Variants in RASAL2 observed in about 807,000 individuals in gnomAD.
The protein encoded by RASAL2 is RAS protein activator like 2.
Under a neutral mutation model 128.9 loss-of-function variants are expected in RASAL2, and 58 were observed. The ratio of observed to expected loss-of-function variants is 0.45; its 90% CI spans 0.36 to 0.56. RASAL2 has a LOEUF of 0.56. Among genes scored for constraint, RASAL2 ranks in the 20% least tolerant of loss-of-function variants. RASAL2 has a pLI of 0.00. For synonymous variants in RASAL2, 561 were observed against 580.8 expected, an observed-to-expected ratio of 0.97 and a Z score of 0.49; for missense variants, 1,360 against 1,601.6, an observed-to-expected ratio of 0.85 and a Z score of 2.57.
intron 1 of RASAL2, among the ~76,000 whole-genome samples, chr1:178,137,996 T>C (rs1254529680): frequency 6.6e-6 from 1 of 152,246 alleles, no homozygotes; most frequent in Non-Finnish European, 1.5e-5. Flanking sequence ...AAAGGCATTG[T>C]GGAAACAGAG....
chr1:178,296,558 A>G (rs1667516029), intron 2 of RASAL2, among the ~76,000 whole-genome samples: 1 of 149,638 alleles, frequency 6.7e-6, no homozygotes, highest in South Asian at 2.1e-4. Flanking sequence ...AAGATGGGGG[A>G]TCTCACGTTG....
intron 1 of RASAL2, among the ~76,000 whole-genome samples, chr1:178,138,772 A>G (rs1660425323): frequency 6.6e-6 from 1 of 152,140 alleles, no homozygotes; most frequent in African/African-American, 2.4e-5. Flanking sequence ...GATCATCCGA[A>G]TGGAGTTGAT....
intron 14 of RASAL2, among the ~76,000 whole-genome samples, chr1:178,460,988 A>AT (rs1678157750): frequency 6.6e-6 from 1 of 151,722 alleles, no homozygotes; most frequent in East Asian, 1.9e-4. Context: ...TAATTTTTGT[A>AT]TTTTTAGTAG....
intron 5 of RASAL2, among the ~76,000 whole-genome samples, chr1:178,438,171 A>G (rs1036940992): frequency 6.6e-6 from 1 of 151,064 alleles, no homozygotes; most frequent in Non-Finnish European, 1.5e-5. Context: ...AAATCCTTAT[A>G]AGCTTAAGAT....
intron 1 of RASAL2, among the ~76,000 whole-genome samples, chr1:178,271,741 T>C: frequency 6.6e-6 from 1 of 152,226 alleles, no homozygotes; most frequent in East Asian, 1.9e-4. Context: ...TTTAAAATTC[T>C]TCAGATGCTT....
chr1:178,157,426 C>T (rs1166564512), intron 1 of RASAL2, among the ~76,000 whole-genome samples: 2 of 152,220 alleles, frequency 1.3e-5, no homozygotes, highest in African/African-American at 2.4e-5. Flanking sequence ...TGTCACACCT[C>T]TGCCATTTTA....
At chr1:178,170,718 C>G (rs1453592601) in intron 1 of RASAL2, among the ~76,000 whole-genome samples, 1 of 151,470 alleles carries the variant, frequency 6.6e-6, no homozygotes, top group Non-Finnish European at 1.5e-5. Flanking sequence ...TCTTATCTAT[C>G]TATAACTCTT....
intron 1 of RASAL2, among the ~76,000 whole-genome samples, chr1:178,113,206 C>T (rs1018990248): frequency 2.0e-5 from 3 of 151,452 alleles, no homozygotes; most frequent in Non-Finnish European, 4.4e-5. Context: ...GGTCTGTTGT[C>T]TATCTTGATT....
intron 1 of RASAL2, among the ~76,000 whole-genome samples, chr1:178,120,284 T>C (rs140469449): frequency 6.6e-6 from 1 of 150,986 alleles, no homozygotes; most frequent in East Asian, 2.0e-4. Context: ...TGTAGATTTC[T>C]TTTTGTTGGC....
intron 1 of RASAL2, among the ~76,000 whole-genome samples, chr1:178,180,054 T>A (rs933380757): frequency 1.3e-5 from 2 of 152,204 alleles, no homozygotes; most frequent in Non-Finnish European, 2.9e-5. Flanking sequence ...AGTTTGATTA[T>A]GAAATACTTA....
chr1:178,365,938 C>T (rs987768801), intron 3 of RASAL2, among the ~76,000 whole-genome samples: 9 of 152,158 alleles, frequency 5.9e-5, no homozygotes, highest in African/African-American at 2.2e-4. Flanking sequence ...CATGATTTCT[C>T]AGTCACCATT....
At chr1:178,166,893 G>A (rs1661534846) in intron 1 of RASAL2, among the ~76,000 whole-genome samples, 1 of 151,964 alleles carries the variant, frequency 6.6e-6, no homozygotes, top group Admixed American at 6.6e-5. Flanking sequence ...CTGTTGTTAT[G>A]CTTATTCAAA....
intron 1 of RASAL2, among the ~76,000 whole-genome samples, chr1:178,114,688 A>AT (rs1659461487): frequency 6.6e-6 from 1 of 151,778 alleles, no homozygotes; most frequent in Non-Finnish European, 1.5e-5. Context: ...CGCCCGGCTA[A>AT]TTTTTTCTAT....
At chr1:178,114,697 A>G (rs1359290196) in intron 1 of RASAL2, among the ~76,000 whole-genome samples, 2 of 151,712 alleles carry the variant, frequency 1.3e-5, no homozygotes, top group East Asian at 1.9e-4. Flanking sequence ...AATTTTTTCT[A>G]TCTTTTAGTA....
intron 1 of RASAL2, among the ~76,000 whole-genome samples, chr1:178,265,556 A>G (rs1665909021): frequency 6.6e-6 from 1 of 152,228 alleles, no homozygotes; most frequent in Admixed American, 6.5e-5. Context: ...TATAGTCCCT[A>G]TTCATAGATG....
chr1:178,245,512 G>A (rs552421598), intron 1 of RASAL2, among the ~76,000 whole-genome samples: 5 of 152,084 alleles, frequency 3.3e-5, no homozygotes, highest in East Asian at 1.9e-4. Context: ...ATTTTCTCCC[G>A]TTCTGTAGGT....
rs369538157 is a variant in RASAL2 at position 178,333,272 on chromosome 1, CCG to C, written c.457+33155_457+33156del. On this transcript the variant is annotated intron_variant, in intron 3 of 17. Transcript: ENST00000367649. Reference sequence around the variant, plus strand: ...TCGATCTCCTGACCTTGTGACCCGCCCGTCTCGGCCTCCCAAAGTGCTGGGAT... The same window carrying C: ...TCGATCTCCTGACCTTGTGACCCGCCTCTCGGCCTCCCAAAGTGCTGGGAT... Among the ~76,000 whole-genome samples, 700 of 152,216 alleles carry C rather than the reference CCG, an allele frequency of 4.6e-3. 7 individuals carry two copies. The highest frequency in any genetic ancestry group is 0.016 in the African/African-American group (669 of 41,536).
chr1:178,338,557 A>G (rs1234847936), intron 3 of RASAL2, among the ~76,000 whole-genome samples: 1 of 152,224 alleles, frequency 6.6e-6, no homozygotes, highest in Non-Finnish European at 1.5e-5. Flanking sequence ...AAATTCAGCA[A>G]GTATACTATT....
intron 2 of RASAL2, among the ~76,000 whole-genome samples, chr1:178,289,422 C>T (rs1392533174): frequency 6.6e-6 from 1 of 152,116 alleles, no homozygotes; most frequent in African/African-American, 2.4e-5. Flanking sequence ...AGTCTTGAGA[C>T]TATAAATGTC....
Sources: gnomAD v4.1 joint callset for allele counts (sites outside exome capture counted in the v4.1 genomes callset) on GRCh38, gnomAD v4.1.1 for gene constraint, MANE v1.5 for transcripts, NCBI Gene and HGNC (gene_info 2026-07-23, HGNC 2026-07-21) for gene names.